Variants in NLK observed in about 807,000 individuals in gnomAD.
NLK encodes the protein serine/threonine-protein kinase NLK.
A neutral mutation model predicts 59.0 loss-of-function variants in NLK; 11 were observed. The ratio of observed to expected loss-of-function variants is 0.19; its 90% CI spans 0.12 to 0.31. NLK has a LOEUF of 0.31. Ranked by LOEUF, NLK falls within the 10% of genes least tolerant of loss-of-function variation. The probability of loss-of-function intolerance (pLI) is 1.00; values close to 1 mark genes in which losing one functional copy is unlikely to be tolerated. For missense variants in NLK, 410 were observed against 661.1 expected (o/e 0.62, Z 4.16); for synonymous variants, 235 against 235.9 (o/e 1.00, Z 0.03).
chr17:28,139,321 T>C (rs1474141166), intron 3 of NLK, among the ~76,000 whole-genome samples: 2 of 152,328 alleles, frequency 1.3e-5, no homozygotes, highest in African/African-American at 4.8e-5. Flanking sequence ...TCTTTCCCAT[T>C]TTAGTTTCCT....
chr17:28,057,831 G>A (rs1481673008), intron 1 of NLK, among the ~76,000 whole-genome samples: 1 of 152,068 alleles, frequency 6.6e-6, no homozygotes, highest in African/African-American at 2.4e-5. Flanking sequence ...GTTTCCCCAA[G>A]GGTAATGATT....
intron 1 of NLK, among the ~76,000 whole-genome samples, chr17:28,061,590 C>T (rs1163623645): frequency 6.6e-6 from 1 of 151,658 alleles, no homozygotes; most frequent in Non-Finnish European, 1.5e-5. Context: ...ACTAGAAATG[C>T]AATTTTATTT....
intron 1 of NLK, among the ~76,000 whole-genome samples, chr17:28,076,652 T>G (rs1052119725): frequency 6.6e-6 from 1 of 152,200 alleles, no homozygotes; most frequent in Admixed American, 6.5e-5. Flanking sequence ...ATATTTTTCC[T>G]GAGACTGGAG....
At chr17:28,173,481 G>T (rs1908554457) in intron 7 of NLK, among the ~76,000 whole-genome samples, 3 of 152,158 alleles carry the variant, frequency 2.0e-5, no homozygotes, top group African/African-American at 7.2e-5. Flanking sequence ...TCCCTTTGCG[G>T]TTCTCTCTTT....
chr17:28,180,470 G>A (rs1908860815), intron 7 of NLK, among the ~76,000 whole-genome samples: 1 of 152,162 alleles, frequency 6.6e-6, no homozygotes, highest in Non-Finnish European at 1.5e-5. Flanking sequence ...TGCTAAATGA[G>A]TAGCAATGAT....
intron 1 of NLK, among the ~76,000 whole-genome samples, chr17:28,072,330 T>C (rs2142757931): frequency 6.7e-6 from 1 of 149,332 alleles, no homozygotes; most frequent in African/African-American, 2.4e-5. Context: ...TCTTTTTCTT[T>C]TTTTTTTTTT....
intron 8 of NLK, among the ~76,000 whole-genome samples, chr17:28,187,224 C>T (rs1909150817): frequency 6.6e-6 from 1 of 152,218 alleles, no homozygotes. Context: ...TAACTCACCT[C>T]TACCAGGTGT....
intron 1 of NLK, among the ~76,000 whole-genome samples, chr17:28,084,088 G>A (rs970175677): frequency 6.6e-6 from 1 of 152,208 alleles, no homozygotes; most frequent in Non-Finnish European, 1.5e-5. Flanking sequence ...GTTAAGTATA[G>A]TGGGTTTAAC....
intron 1 of NLK, among the ~76,000 whole-genome samples, chr17:28,078,108 G>T (rs545933467): frequency 7.2e-5 from 11 of 152,068 alleles, no homozygotes; most frequent in African/African-American, 2.4e-4. Context: ...TTATGAAATG[G>T]TATACTGCTT....
intron 7 of NLK, among the ~76,000 whole-genome samples, chr17:28,179,188 T>A (rs1908798520): frequency 6.6e-6 from 1 of 152,030 alleles, no homozygotes; most frequent in Non-Finnish European, 1.5e-5. Context: ...AAATTTAACA[T>A]GTGTGAATGT....
chr17:28,085,003 A>C (rs1329235278), intron 1 of NLK, among the ~76,000 whole-genome samples: 1 of 152,240 alleles, frequency 6.6e-6, no homozygotes, highest in Admixed American at 6.5e-5. Context: ...GTGTAGTCTA[A>C]TGCCAAGGTT....
intron 1 of NLK, among the ~76,000 whole-genome samples, chr17:28,093,256 G>T (rs539366690): frequency 6.6e-6 from 1 of 152,060 alleles, no homozygotes; most frequent in Non-Finnish European, 1.5e-5. Context: ...ACCAGATGCT[G>T]GAAAAATATA....
At chr17:28,204,377 T>C in the NLK span, among the ~76,000 whole-genome samples, 1 of 152,226 alleles carries the variant, frequency 6.6e-6, no homozygotes, top group Non-Finnish European at 1.5e-5. Flanking sequence ...TGGTGTATGA[T>C]GGAAGAGTGC....
At chr17:28,048,391 AG>A (rs1212941270) in intron 1 of NLK, 2 of 155,292 alleles carry the variant, frequency 1.3e-5, no homozygotes, top group African/African-American at 4.8e-5. Context: ...AAAAAAAGAC[AG>A]TTTTTTTTTT....
At chr17:28,141,502 A>G (rs1170319806) in intron 3 of NLK, among the ~76,000 whole-genome samples, 1 of 152,184 alleles carries the variant, frequency 6.6e-6, no homozygotes, top group Non-Finnish European at 1.5e-5. Flanking sequence ...TCAGGTTTTA[A>G]TGACATCATT....
chr17:28,052,569 A>G (rs1458577430), intron 1 of NLK, among the ~76,000 whole-genome samples: 1 of 152,150 alleles, frequency 6.6e-6, no homozygotes, highest in Non-Finnish European at 1.5e-5. Context: ...CCCTCAGCAA[A>G]CCAGCAGTGC....
At chr17:28,047,156 A>G (rs914937150) in intron 1 of NLK, among the ~76,000 whole-genome samples, 8 of 152,218 alleles carry the variant, frequency 5.3e-5, no homozygotes, top group African/African-American at 1.9e-4. Flanking sequence ...TTGTAAACCA[A>G]TGATTACACT....
chr17:28,063,837 G>A (rs1240825331), intron 1 of NLK, among the ~76,000 whole-genome samples: 1 of 152,170 alleles, frequency 6.6e-6, no homozygotes, highest in African/African-American at 2.4e-5. Context: ...TGAGACAAGA[G>A]TGTTGATTTA....
intron 1 of NLK, among the ~76,000 whole-genome samples, chr17:28,099,819 C>T (rs1904842451): frequency 6.6e-6 from 1 of 151,268 alleles, no homozygotes; most frequent in Non-Finnish European, 1.5e-5. Context: ...ACCTCATGAT[C>T]CACCCGCCTC....
Sources: allele counts gnomAD v4.1 joint callset (sites outside exome capture counted in the v4.1 genomes callset), GRCh38; gene constraint gnomAD v4.1.1; transcripts MANE v1.5; gene names NCBI Gene and HGNC (gene_info 2026-07-23, HGNC 2026-07-21).